RNF44: variants seen among roughly 807,000 people sequenced by gnomAD.
The protein encoded by RNF44 is ring finger protein 44.
In RNF44, 25 loss-of-function variants were observed where a neutral mutation model predicts 53.6. The observed-to-expected ratio is 0.47, with a 90% confidence interval of 0.34 to 0.65. The LOEUF (loss-of-function observed/expected upper bound fraction) is 0.65, where lower values mean the gene tolerates loss of function less well. Among genes scored for constraint, RNF44 ranks in the 30% least tolerant of loss-of-function variants. The pLI, the probability that RNF44 is intolerant of heterozygous loss-of-function variation, is 0.01. For missense variants in RNF44, 581 were observed against 595.5 expected (o/e 0.98, Z 0.25); for synonymous variants, 282 against 252.2 (o/e 1.12, Z -1.12).
Position 176,532,665 on chromosome 5 carries a change from C to T in RNF44, c.-44-149G>A, listed in dbSNP as rs530315607. 29 of 520,316 alleles carry T rather than the reference C, an allele frequency of 5.6e-5. No individual in the cohort carries two copies. The South Asian group carries it at 5.9e-4, about 11-fold the overall frequency. The allele number at this position is 520,316 out of a possible 1,614,324, so 32.2% of individuals were successfully genotyped here. A position where few individuals can be genotyped will look rare whatever the true frequency, so the allele number is the denominator to read the frequency against. ...GGCTGAGGCATGAGAATCGCTTGAA[C>T]CCGGGAGGCGGAGGTTGCAGTGAGC... On this transcript the variant is annotated intron_variant, in intron 1 of 10. Coordinates refer to ENST00000274811, the MANE Select transcript of RNF44 (RefSeq NM_014901.5).
At chr5:176,542,776 A>C (rs1357794946), upstream of RNF44, 3 of 152,266 alleles carry the variant, frequency 2.0e-5, no homozygotes, top group Non-Finnish European at 4.4e-5. Context: ...TGCAGTAAGG[A>C]CGGCGCTGAA....
chr5:176,527,527 T>C lies in RNF44; in HGVS notation c.*1501A>G, dbSNP rs1756133664. The C allele has an allele frequency of 6.6e-6, 1 of 152,418 alleles. No homozygotes were observed. Among genetic ancestry groups the C allele is most frequent in the Non-Finnish European group, 1.5e-5 (1 of 68,042 alleles). 9.4% of individuals were successfully genotyped at this position (152,418 alleles called of 1,614,324 possible). On this transcript the variant is annotated 3_prime_UTR_variant, in exon 11 of 11. Coordinates refer to ENST00000274811, the MANE Select transcript of RNF44 (RefSeq NM_014901.5). ...AATATAGAAACGTCACCTGGAGTTA[T>C]ATACAGTAAGACTTTGGGTTCTCCA...
rs1756165508 is a variant in RNF44 at position 176,527,837 on chromosome 5, G to A, written c.*1191C>T. 3 of 152,454 alleles carry A rather than the reference G, an allele frequency of 2.0e-5. No individual in the cohort carries two copies. In the South Asian group the frequency reaches 6.2e-4, roughly 32 times the overall value. The allele number at this position is 152,454 out of a possible 1,614,324, so 9.4% of individuals were successfully genotyped here. On this transcript the variant is annotated 3_prime_UTR_variant, in exon 11 of 11. Transcript: ENST00000274811. ...GGAGGACAGGGATCAGGCTGGGAAG[G>A]CCCCCTGGAGATGGGGGTCCACAGC...
At position 176,531,423 on chromosome 5, in the gene RNF44, C is replaced by A. The variant is rs1756647666; in HGVS notation, c.465+40G>T. On this transcript the variant is annotated intron_variant, in intron 4 of 10. Coordinates refer to ENST00000274811, the MANE Select transcript of RNF44 (RefSeq NM_014901.5). This position sits in a 1 kb window ranked among gnomAD's most constrained non-coding sequence, Gnocchi z 4.2. ...CTGAGCCGCTGGCCTGTGCCTGGGGCTTGCAGCTGGTGGAGGAGGAGCTAG... is the reference window on the plus strand; with the variant it reads ...CTGAGCCGCTGGCCTGTGCCTGGGGATTGCAGCTGGTGGAGGAGGAGCTAG... 2.6e-6 allele frequency: 4 copies of A among 1,531,070 alleles called. No individual in the cohort carries two copies. In the Admixed American group the frequency reaches 7.9e-5, roughly 30 times the overall value. 94.8% of individuals were successfully genotyped at this position (1,531,070 alleles called of 1,614,324 possible).
In RNF44 at chr5:176,531,792, C is replaced by T. The variant is rs533005089; in HGVS notation, c.298-162G>A. 127 of 885,102 alleles carry T rather than the reference C, an allele frequency of 1.4e-4. No individual in the cohort carries two copies. The highest frequency in any genetic ancestry group is 2.0e-4 in the Non-Finnish European group (120 of 594,144). The allele number at this position is 885,102 out of a possible 1,614,324, so 54.8% of individuals were successfully genotyped here. ...GACTGTGCCTCTACTCCCAGGCCCC[C>T]GGGGCAGAGAAAGCCCCGTGGGAAT... On this transcript the variant is annotated intron_variant, in intron 3 of 10. Coordinates refer to ENST00000274811, the MANE Select transcript of RNF44 (RefSeq NM_014901.5). This position sits in a 1 kb window ranked among gnomAD's most constrained non-coding sequence, Gnocchi z 4.2.
chr5:176,532,280 T>C (rs2113137655), intron 2 of RNF44, 86 bp downstream of exon 2: 6 of 1,516,892 alleles, frequency 4.0e-6, no homozygotes, highest in Non-Finnish European at 5.3e-6. Context: ...ACTCCCCCCA[T>C]GGGGAGGGAA....
chr5:176,540,591 C>G (rs1021572184), upstream of RNF44, among the ~76,000 whole-genome samples: 1 of 152,226 alleles, frequency 6.6e-6, no homozygotes, highest in African/African-American at 2.4e-5. Flanking sequence ...AGACCATCTC[C>G]ATGTGACTGC....
chr5:176,532,032 C>A lies in RNF44; in HGVS notation c.269G>T (p.Ser90Ile), dbSNP rs1230133952. 4 of 1,611,480 alleles carry A rather than the reference C, an allele frequency of 2.5e-6. No homozygotes were observed. Among genetic ancestry groups the A allele is most frequent in the Non-Finnish European group, 3.4e-6 (4 of 1,178,878 alleles). The part of the protein sequence containing the change: ...PRMLHPATQQ[S>I]PFMVDLHEQV... ...CTCGTGGAGATCAACCATGAACGGG[C>A]TCTGCTGGGTGGCTGGGTGCAGCAT... The change falls in exon 3 of 11, where the codon AGC becomes ATC. Residue 90 changes from serine to isoleucine, a missense_variant. Around this residue, in one of 3 missense-constraint regions of RNF44, gnomAD observed 387 missense variants for 366.0 expected, o/e 1.06. Coordinates refer to ENST00000274811, the MANE Select transcript of RNF44 (RefSeq NM_014901.5).
In RNF44 at chr5:176,531,648, G is replaced by A. The variant is rs146516687; in HGVS notation, c.298-18C>T. 5,341 of 1,590,818 alleles carry A rather than the reference G, an allele frequency of 3.4e-3. 12 individuals carry two copies. The highest frequency in any genetic ancestry group is 3.9e-3 in the Non-Finnish European group (4,588 of 1,166,124). ...TGGTGCACCTGTGGGTGGAGAGAAC[G>A]CCGGGAAAGTATGAAAAGGAAGCTG... On this transcript the variant is annotated intron_variant, in intron 3 of 10. Transcript: ENST00000274811. The surrounding 1 kb of genome is among the most constrained non-coding windows in gnomAD (Gnocchi z 4.2).
chr5:176,529,736 A>G lies in RNF44; in HGVS notation c.1009T>C (p.Tyr337His). The G allele has an allele frequency of 6.2e-7, 1 of 1,612,114 alleles. No individual in the cohort carries two copies. Among genetic ancestry groups the G allele is most frequent in the Non-Finnish European group, 8.5e-7 (1 of 1,179,054 alleles). ...AGCATGGGGCTCCATGGGACCTCAT[A>G]GTTCTCCATCTCCACATCATCCACG... ...LDVDDVEMEN[Y>H]EALLNLAERL... The change falls in exon 8 of 11, where the codon TAT (tyrosine) becomes CAT (histidine). Residue 337 changes from tyrosine (Y) to histidine (H), a missense_variant. Tyr to His is a moderately conservative substitution (Grantham distance 83, BLOSUM62 2). This residue lies in a region of RNF44 where 183 missense variants were observed against 198.6 expected (regional missense o/e 0.92). Transcript: ENST00000274811.
chr5:176,538,410 C>T (rs758902547), upstream of RNF44, among the ~76,000 whole-genome samples: 2 of 152,182 alleles, frequency 1.3e-5, no homozygotes, highest in African/African-American at 2.4e-5. Flanking sequence ...AGCCGAGCCT[C>T]GTTCTCCTTT....
chr5:176,527,044 C>T lies in RNF44; in HGVS notation c.*1984G>A, dbSNP rs1334617412. The T allele has an allele frequency of 6.6e-6, 1 of 151,956 alleles. No individual in the cohort carries two copies. Among genetic ancestry groups the T allele is most frequent in the Non-Finnish European group, 1.5e-5 (1 of 67,938 alleles). The allele number at this position is 151,956 out of a possible 1,614,324, so 9.4% of individuals were successfully genotyped here. ...GTAAAATGTGCAAGGAACAGGGCCC[C>T]CAAAATTACATATATTTCTACATAT... On this transcript the variant is annotated 3_prime_UTR_variant, in exon 11 of 11. Coordinates refer to ENST00000274811, the MANE Select transcript of RNF44 (RefSeq NM_014901.5).
At position 176,529,321 on chromosome 5, in the gene RNF44, C is replaced by T. The variant is rs1053379523; in HGVS notation, c.1203G>A (p.Glu401=). The change falls in exon 10 of 11, where the codon GAG becomes GAA. Residue 401 remains glutamate (E), a synonymous_variant. Coordinates refer to ENST00000274811, the MANE Select transcript of RNF44 (RefSeq NM_014901.5). ...ACTTGTCAACACACTTGGTGTGGAA[C>T]TCATGGTTGCAGGGGAGGACTCGGA... ...QLLRVLPCNH[E]FHTKCVDKWL... 2 of 1,613,702 alleles carry T rather than the reference C, an allele frequency of 1.2e-6. No homozygotes were observed. The highest frequency in any genetic ancestry group is 3.3e-5 in the Admixed American group (2 of 60,028).
At position 176,531,447 on chromosome 5, in the gene RNF44, AG is replaced by A; in HGVS notation, c.465+15del. The A allele has an allele frequency of 6.5e-7, 1 of 1,547,168 alleles. No individual in the cohort carries two copies. The highest frequency in any genetic ancestry group is 8.7e-7 in the Non-Finnish European group (1 of 1,146,022). The stretch of plus-strand genomic sequence containing the variant: ...GCTTGCAGCTGGTGGAGGAGGAGCT[AG>A]AAACACTCACTCACCGGGGGCGGGA... On this transcript the variant is annotated intron_variant, in intron 4 of 10. Transcript: ENST00000274811. The surrounding 1 kb of genome is among the most constrained non-coding windows in gnomAD (Gnocchi z 4.2).
intron 1 of RNF44, among the ~76,000 whole-genome samples, chr5:176,536,603 G>A (rs1050395657): frequency 4.6e-5 from 7 of 152,194 alleles, no homozygotes; most frequent in African/African-American, 1.7e-4. Flanking sequence ...TGCAGCGCAG[G>A]GGCCAGAACG....
chr5:176,537,013 A>AGGGGGGG lies in RNF44; in HGVS notation c.-125_-119dup. ...GGCCAAACTGGGCAGGGGGCGGGGG[A>AGGGGGGG]GGGGGGGGGTGCCTGTCTGGATCCT... On this transcript the variant is annotated 5_prime_UTR_variant, in exon 1 of 11. Transcript: ENST00000274811. 1.3e-5 allele frequency: 1 copy of AGGGGGGG among 77,474 alleles called. No individual in the cohort carries two copies. Among genetic ancestry groups the AGGGGGGG allele is most frequent in the African/African-American group, 6.2e-5 (1 of 16,180 alleles). 4.8% of individuals were successfully genotyped at this position (77,474 alleles called of 1,614,324 possible). A position where few individuals can be genotyped will look rare whatever the true frequency, so the allele number is the denominator to read the frequency against.
At position 176,528,570 on chromosome 5, in the gene RNF44, G is replaced by A. The variant is rs941732139; in HGVS notation, c.*458C>T. The A allele has an allele frequency of 1.8e-5, 3 of 166,594 alleles. No individual in the cohort carries two copies. The highest frequency in any genetic ancestry group is 1.6e-4 in the South Asian group (1 of 6,126). 10.3% of individuals were successfully genotyped at this position (166,594 alleles called of 1,614,324 possible). ...AGCCCTGGGGCTCAGGAAATGGCTC[G>A]TGACACCGTCTGTCTACGCACCTGG... is the stretch of plus-strand genomic sequence containing the variant. On this transcript the variant is annotated 3_prime_UTR_variant, in exon 11 of 11. Coordinates refer to ENST00000274811, the MANE Select transcript of RNF44 (RefSeq NM_014901.5).
rs41275279 is a variant in RNF44 at position 176,529,303 on chromosome 5, A to T, written c.1221T>A (p.Val407=). 2.9e-5 allele frequency: 46 copies of T among 1,613,646 alleles called. No homozygotes were observed. Among genetic ancestry groups the T allele is most frequent in the Non-Finnish European group, 3.8e-5 (45 of 1,179,934 alleles). ...GCAGTGTTACCTTCAACCACTTGTCAACACACTTGGTGTGGAACTCATGGT... is the reference window on the plus strand; with the variant it reads ...GCAGTGTTACCTTCAACCACTTGTCTACACACTTGGTGTGGAACTCATGGT... The part of the protein sequence containing the change: ...PCNHEFHTKC[V]DKWLKANRTC... Residue 407 remains valine, a synonymous_variant, in exon 10 of 11, where the codon GTT becomes GTA. Transcript: ENST00000274811.
Position 176,526,940 on chromosome 5 carries a change from C to A in RNF44, c.*2088G>T, listed in dbSNP as rs1229649734. On this transcript the variant is annotated 3_prime_UTR_variant, in exon 11 of 11. Transcript: ENST00000274811. Reference sequence around the variant, plus strand: ...ATCCCATGGAATGGAAAAAACCACACATTTAAGCTTTAAGAACCATTTTTT... The same window carrying A: ...ATCCCATGGAATGGAAAAAACCACAAATTTAAGCTTTAAGAACCATTTTTT... 6.6e-6 allele frequency: 1 copy of A among 152,394 alleles called. No individual in the cohort carries two copies. The allele number at this position is 152,394 out of a possible 1,614,324, so 9.4% of individuals were successfully genotyped here. A position where few individuals can be genotyped will look rare whatever the true frequency, so the allele number is the denominator to read the frequency against.
Sources: allele counts gnomAD v4.1 joint callset (sites outside exome capture counted in the v4.1 genomes callset), GRCh38; gene constraint gnomAD v4.1.1; regional missense constraint gnomAD v4.1.1; non-coding constraint Gnocchi (gnomAD v3.1); transcripts MANE v1.5; gene names NCBI Gene and HGNC (gene_info 2026-07-23, HGNC 2026-07-21).